Variants in SOS2 observed in about 807,000 individuals in gnomAD.
SOS2 encodes the protein son of sevenless homolog 2.
A neutral mutation model predicts 148.2 loss-of-function variants in SOS2; 65 were observed. The ratio of observed to expected loss-of-function variants is 0.44; its 90% CI spans 0.36 to 0.54. The LOEUF (loss-of-function observed/expected upper bound fraction) is 0.54, where lower values mean the gene tolerates loss of function less well. Ranked by LOEUF, SOS2 falls within the 20% of genes least tolerant of loss-of-function variation. The pLI is 0.00. For missense variants in SOS2, 1,341 were observed against 1,590.2 expected, an observed-to-expected ratio of 0.84 and a Z score of 2.67; for synonymous variants, 539 against 537.1, an observed-to-expected ratio of 1.00 and a Z score of -0.05.
rs759722623 is a variant in SOS2, at chr14:50,159,979, A to G, written c.1304T>C (p.Ile435Thr). 8 of 1,614,096 alleles carry G rather than the reference A, an allele frequency of 5.0e-6. No individual in the cohort carries two copies. Among genetic ancestry groups the G allele is most frequent in the Admixed American group, 3.3e-5 (2 of 60,012 alleles). Residue 435 changes from isoleucine (I) to threonine (T), a missense_variant, in exon 10 of 23, where the codon ATT becomes ACT. Ile to Thr is a moderately conservative substitution (Grantham distance 89). Coordinates refer to ENST00000216373, the MANE Select transcript of SOS2 (RefSeq NM_006939.4). Reference sequence around the variant, plus strand: ...AATGAATTCATTACAACACTGTCCAATATCTTTGCCTTCCCATCCATCGAT... The same window carrying G: ...AATGAATTCATTACAACACTGTCCAGTATCTTTGCCTTCCCATCCATCGAT... ...KNIDGWEGKD[I>T]GQCCNEFIME...
At chr14:50,189,446 C>A (rs753966271) in intron 4 of SOS2, among the ~76,000 whole-genome samples, 6 of 150,788 alleles carry the variant, frequency 4.0e-5, no homozygotes, top group Non-Finnish European at 7.4e-5. Flanking sequence ...TTGAAAGTCA[C>A]ATTCCTTATG....
At chr14:50,128,320 C>T (rs908173802) in intron 21 of SOS2, among the ~76,000 whole-genome samples, 1 of 151,690 alleles carries the variant, frequency 6.6e-6, no homozygotes, top group Admixed American at 6.6e-5. Context: ...GAAAGGGAAA[C>T]GAAAAGAAAA....
intron 2 of SOS2, among the ~76,000 whole-genome samples, chr14:50,202,276 T>A (rs1469657865): frequency 6.6e-6 from 1 of 152,224 alleles, no homozygotes; most frequent in Non-Finnish European, 1.5e-5. Flanking sequence ...TTCATCTAAT[T>A]TTAATTTAAT....
rs1414628189 is a variant in SOS2, at chr14:50,171,962, G to T, written c.1068+2492C>A. ...CTTGGTATACATGTGCCTGCATTTT[G>T]TTTCTTTAGAGTATATATTCAAGGG... is the stretch of plus-strand genomic sequence containing the variant. On this transcript the variant is annotated intron_variant, in intron 8 of 22. Coordinates refer to ENST00000216373, the MANE Select transcript of SOS2 (RefSeq NM_006939.4). Among the ~76,000 whole-genome samples, 9 of 145,498 alleles carry T rather than the reference G, an allele frequency of 6.2e-5. No individual in the cohort carries two copies. The East Asian group carries it at 2.2e-3, about 36-fold the overall frequency.
intron 1 of SOS2, among the ~76,000 whole-genome samples, chr14:50,226,088 A>T (rs1595040667): frequency 6.7e-6 from 1 of 148,446 alleles, no homozygotes; most frequent in Non-Finnish European, 1.5e-5. Context: ...TCTCTCTGCC[A>T]CAGCCACTTA....
At chr14:50,209,656 G>A (rs1205286028) in intron 1 of SOS2, among the ~76,000 whole-genome samples, 2 of 151,944 alleles carry the variant, frequency 1.3e-5, no homozygotes, top group Non-Finnish European at 2.9e-5. Context: ...CTACACGGGA[G>A]GCTGATGTGG....
In SOS2 at chr14:50,226,006, TC is replaced by T. The variant is rs74726778; in HGVS notation, c.87+5190del. ...TACTTTCCCCTCAGCCTCAAATCCT[TC>T]CCCCCCGCCCTTTTTTTTTCTTGTT... On this transcript the variant is annotated intron_variant, in intron 1 of 22. Coordinates refer to ENST00000216373, the MANE Select transcript of SOS2 (RefSeq NM_006939.4). 4.6e-5 allele frequency among the ~76,000 whole-genome samples: 7 copies of T among 150,742 alleles called. No homozygotes were observed. In the East Asian group the frequency reaches 5.9e-4, roughly 13 times the overall value.
At chr14:50,198,050 C>A (rs1886370008) in intron 4 of SOS2, among the ~76,000 whole-genome samples, 2 of 148,416 alleles carry the variant, frequency 1.3e-5, no homozygotes, top group Non-Finnish European at 1.5e-5. Context: ...TTATTCCAGA[C>A]TGAAGACGAT....
intron 1 of SOS2, among the ~76,000 whole-genome samples, chr14:50,218,017 G>A (rs896661961): frequency 6.6e-6 from 1 of 151,476 alleles, no homozygotes; most frequent in Non-Finnish European, 1.5e-5. Flanking sequence ...GATAGTATAG[G>A]CCAGGTGCAG....
At chr14:50,195,245 A>G (rs1252926660) in intron 4 of SOS2, among the ~76,000 whole-genome samples, 2 of 152,234 alleles carry the variant, frequency 1.3e-5, no homozygotes, top group East Asian at 3.8e-4. Flanking sequence ...TGAAATTATT[A>G]AAGAATAGCA....
At chr14:50,185,867 A>C (rs760041236) in intron 5 of SOS2, among the ~76,000 whole-genome samples, 59 of 152,260 alleles carry the variant, frequency 3.9e-4, no homozygotes, top group Non-Finnish European at 6.9e-4. Flanking sequence ...TAATATCCTT[A>C]TTAGATAGGT....
intron 14 of SOS2, among the ~76,000 whole-genome samples, chr14:50,147,135 G>A (rs1444834131): frequency 2.0e-5 from 3 of 151,952 alleles, no homozygotes; most frequent in Non-Finnish European, 4.4e-5. Context: ...GTCTGGGGCT[G>A]CAATGAGCTA....
At chr14:50,184,099 TATA>T (rs1199715380) in intron 5 of SOS2, among the ~76,000 whole-genome samples, 1 of 152,194 alleles carries the variant, frequency 6.6e-6, no homozygotes, top group African/African-American at 2.4e-5. Context: ...AAAAATATAG[TATA>T]ATCTTACAGG....
chr14:50,141,020 C>G (rs563305894), intron 16 of SOS2, among the ~76,000 whole-genome samples: 2 of 151,052 alleles, frequency 1.3e-5, no homozygotes, highest in Non-Finnish European at 3.0e-5. Flanking sequence ...CTGGCTAACA[C>G]GGTGAAACCC....
chr14:50,160,208 C>T, intron 9 of SOS2, 122 bp from the exon 10 acceptor site: 2 of 597,666 alleles, frequency 3.3e-6, no homozygotes, highest in South Asian at 4.2e-5. Context: ...TTACGCACAG[C>T]ATTTAGTTCT....
intron 1 of SOS2, among the ~76,000 whole-genome samples, chr14:50,218,519 T>TC (rs1326156562): frequency 7.0e-6 from 1 of 143,486 alleles, no homozygotes; most frequent in Non-Finnish European, 1.5e-5. Context: ...CAAGACTCCA[T>TC]CCCCCCAAAA....
At chr14:50,224,308 TA>T (rs1887292859) in intron 1 of SOS2, among the ~76,000 whole-genome samples, 1 of 68,982 alleles carries the variant, frequency 1.4e-5, no homozygotes, top group Non-Finnish European at 2.6e-5. Flanking sequence ...AAAAAAAATA[TA>T]TATATACACA....
At chr14:50,207,605 A>C (rs1886706148) in intron 1 of SOS2, among the ~76,000 whole-genome samples, 2 of 151,716 alleles carry the variant, frequency 1.3e-5, no homozygotes, top group African/African-American at 4.8e-5. Context: ...TCCATAATGT[A>C]TACAAATAAG....
Position 50,159,919 on chromosome 14 carries a change from T to C in SOS2, c.1364A>G (p.His455Arg). The change falls in exon 10 of 23, where the codon CAT (histidine) becomes CGT (arginine). Residue 455 changes from histidine (H) to arginine (R), a missense_variant. His to Arg is a conservative substitution (Grantham distance 29). Transcript: ENST00000216373. The stretch of plus-strand genomic sequence containing the variant: ...ATCAAACAGAAAAATATGCCGTTCA[T>C]GTTTGGCACCGATTCTTGTCAATGG... Reference protein sequence around the residue: ...EGPLTRIGAKHERHIFLFDGL... With the variant: ...EGPLTRIGAKRERHIFLFDGL... 2 of 1,614,208 alleles carry C rather than the reference T, an allele frequency of 1.2e-6. No homozygotes were observed. Among genetic ancestry groups the C allele is most frequent in the South Asian group, 1.1e-5 (1 of 91,082 alleles).
Sources: allele counts gnomAD v4.1 joint callset (sites outside exome capture counted in the v4.1 genomes callset), GRCh38; gene constraint gnomAD v4.1.1; transcripts MANE v1.5; gene names NCBI Gene and HGNC (gene_info 2026-07-23, HGNC 2026-07-21).